The following ME3 variants were observed in gnomAD, a reference collection of about 807,000 sequenced individuals.
The protein encoded by ME3 is malic enzyme 3.
Under a neutral mutation model 68.9 loss-of-function variants are expected in ME3, and 48 were observed. The observed-to-expected ratio is 0.70, with a 90% CI of 0.55 to 0.89. The LOEUF (loss-of-function observed/expected upper bound fraction) is 0.89. Ranked by LOEUF, ME3 falls within the 40% of genes least tolerant of loss-of-function variation. The pLI is 0.00. For synonymous variants in ME3, 320 were observed against 318.8 expected (o/e 1.00, Z -0.04); for missense variants, 675 against 797.4 (o/e 0.85, Z 1.85).
chr11:86,664,686 G>A (rs1401735950), intron 2 of ME3, among the ~76,000 whole-genome samples: 2 of 152,186 alleles, frequency 1.3e-5, no homozygotes, highest in Non-Finnish European at 2.9e-5. Flanking sequence ...ACTCAGAGTG[G>A]AGGGTGGGAG....
rs748658254 is a variant in ME3, at chr11:86,663,651, C to G, written c.183+8111G>C. On this transcript the variant is annotated intron_variant, in intron 2 of 14. Coordinates refer to ENST00000543262, the Ensembl canonical transcript of ME3. Reference sequence around the variant, plus strand: ...TGCAATGGCCATAGAAATCAAAAGGCCTTTTTTCCCCCCTCTCACTATAAT... The same window carrying G: ...TGCAATGGCCATAGAAATCAAAAGGGCTTTTTTCCCCCCTCTCACTATAAT... Among the ~76,000 whole-genome samples, 18 of 152,128 alleles carry G rather than the reference C, an allele frequency of 1.2e-4. 1 individual carries two copies. Among genetic ancestry groups the G allele is most frequent in the Non-Finnish European group, 1.9e-4 (13 of 68,010 alleles).
In ME3 at chr11:86,653,797, G is replaced by A. The variant is rs181704631; in HGVS notation, c.183+17965C>T. ...ACAAAAATCCCTTCAAAAAATCAATGAATCCAGGAGCTGTTTTTTTGAAAA... is the reference window on the plus strand; with the variant it reads ...ACAAAAATCCCTTCAAAAAATCAATAAATCCAGGAGCTGTTTTTTTGAAAA... On this transcript the variant is annotated intron_variant, in intron 2 of 14. Coordinates refer to ENST00000543262, the Ensembl canonical transcript of ME3. 3.6e-3 allele frequency among the ~76,000 whole-genome samples: 549 copies of A among 152,264 alleles called. 3 individuals are homozygous for A. The highest frequency in any genetic ancestry group is 6.8e-3 in the Middle Eastern group (2 of 294).
chr11:86,636,653 T>C (rs555079435), intron 2 of ME3, among the ~76,000 whole-genome samples: 56 of 152,336 alleles, frequency 3.7e-4, no homozygotes, highest in Admixed American at 9.1e-4. Flanking sequence ...CAGTAGAACA[T>C]GCACAAGTTT....
At chr11:86,448,874 C>T (rs975815112) in intron 10 of ME3, among the ~76,000 whole-genome samples, 1 of 152,172 alleles carries the variant, frequency 6.6e-6, no homozygotes, top group African/African-American at 2.4e-5. Flanking sequence ...CTCATAGGAA[C>T]CAGTGCAAAG....
At chr11:86,442,758 G>T in intron 14 of ME3, 63 bp downstream of exon 14, 1 of 1,391,426 alleles carries the variant, frequency 7.2e-7, no homozygotes, top group Non-Finnish European at 1.0e-6. Context: ...CCCTCCTAAA[G>T]TCACAGACAG....
At chr11:86,668,739 A>C (rs1317468272) in intron 2 of ME3, among the ~76,000 whole-genome samples, 5 of 152,124 alleles carry the variant, frequency 3.3e-5, no homozygotes, top group Non-Finnish European at 7.4e-5. Context: ...CCACCTCCTG[A>C]CCACCCTCTG....
intron 2 of ME3, among the ~76,000 whole-genome samples, chr11:86,653,781 C>T (rs79000455): frequency 0.013 from 2,002 of 152,182 alleles, 42 homozygotes; most frequent in African/African-American, 0.046. Flanking sequence ...CACAAAAATC[C>T]CTTCAAAAAA....
At chr11:86,461,793 G>A (rs193028358) in intron 8 of ME3, among the ~76,000 whole-genome samples, 88 of 152,260 alleles carry the variant, frequency 5.8e-4, no homozygotes, top group African/African-American at 1.9e-3. Flanking sequence ...TAATGATATG[G>A]TCACACCTAA....
intron 8 of ME3, among the ~76,000 whole-genome samples, chr11:86,459,985 A>G (rs911175012): frequency 4.6e-5 from 7 of 152,206 alleles, no homozygotes; most frequent in African/African-American, 1.7e-4. Flanking sequence ...ACCCACGGAA[A>G]CTGGGTCAGC....
At chr11:86,608,288 G>A (rs1033457958) in intron 2 of ME3, among the ~76,000 whole-genome samples, 3 of 152,142 alleles carry the variant, frequency 2.0e-5, no homozygotes, top group Admixed American at 1.3e-4. Context: ...TGTACCTCTT[G>A]AGTCCACGCA....
chr11:86,666,916 A>T (rs1251105518), intron 2 of ME3, among the ~76,000 whole-genome samples: 1 of 152,238 alleles, frequency 6.6e-6, no homozygotes, highest in East Asian at 1.9e-4. Flanking sequence ...AGACAAGATC[A>T]AGTTCTAAGC....
intron 2 of ME3, among the ~76,000 whole-genome samples, chr11:86,602,893 C>T (rs1594626836): frequency 6.6e-6 from 1 of 152,070 alleles, no homozygotes; most frequent in African/African-American, 2.4e-5. Flanking sequence ...AACTGGCTAG[C>T]CATATGTAGA....
At chr11:86,522,175 G>A (rs912028792) in intron 4 of ME3, among the ~76,000 whole-genome samples, 9 of 151,970 alleles carry the variant, frequency 5.9e-5, no homozygotes, top group African/African-American at 1.7e-4. Flanking sequence ...GCTTGAACTC[G>A]GGAGGCAGAG....
At chr11:86,666,025 T>C (rs185866165) in intron 2 of ME3, among the ~76,000 whole-genome samples, 1 of 152,310 alleles carries the variant, frequency 6.6e-6, no homozygotes, top group Admixed American at 6.5e-5. Context: ...AAGGCTGGGG[T>C]AAAATTGACA....
At chr11:86,474,687 C>G (rs1426758457) in intron 7 of ME3, among the ~76,000 whole-genome samples, 1 of 152,212 alleles carries the variant, frequency 6.6e-6, no homozygotes, top group African/African-American at 2.4e-5. Context: ...GAGGCCCTTT[C>G]TGAGTGTTCT....
chr11:86,511,631 G>C (rs1182554353), intron 4 of ME3, among the ~76,000 whole-genome samples: 1 of 152,016 alleles, frequency 6.6e-6, no homozygotes, highest in Non-Finnish European at 1.5e-5. Flanking sequence ...TCAGTTTTGG[G>C]GGCTGAAACT....
intron 4 of ME3, 27 bp from the exon 5 acceptor site, chr11:86,508,894 A>C (rs1953290905): frequency 5.7e-6 from 9 of 1,571,594 alleles, no homozygotes; most frequent in Non-Finnish European, 7.0e-6. Context: ...ACGTACACAC[A>C]GAGAAACCAG....
chr11:86,464,156 T>C (rs1222252544), intron 8 of ME3: 2 of 436,894 alleles, frequency 4.6e-6, no homozygotes, highest in South Asian at 1.7e-5. Flanking sequence ...GGCCAACCTT[T>C]AGCAATCCAG....
chr11:86,544,287 C>T lies in ME3; in HGVS notation c.467+12266G>A, dbSNP rs113377521. ...AACAAATTCAAAAGCTAGCAGAAGA[C>T]AAGAAATAACTAAGATCAGAGCAGA... On this transcript the variant is annotated intron_variant, in intron 4 of 14. Transcript: ENST00000543262. 7.6e-3 allele frequency among the ~76,000 whole-genome samples: 1,156 copies of T among 151,888 alleles called. 14 individuals are homozygous for T. Among genetic ancestry groups the T allele is most frequent in the African/African-American group, 0.025 (1,025 of 41,400 alleles).
Sources: gnomAD v4.1 joint callset for allele counts (sites outside exome capture counted in the v4.1 genomes callset) on GRCh38, gnomAD v4.1.1 for gene constraint, MANE v1.5 for transcripts, NCBI Gene and HGNC (gene_info 2026-07-23, HGNC 2026-07-21) for gene names.